DOK5: variants seen among roughly 807,000 people sequenced by gnomAD.
DOK5 encodes the protein downstream of tyrosine kinase 5.
Under a neutral mutation model 43.3 loss-of-function variants are expected in DOK5, and 27 were observed. The observed-to-expected ratio is 0.62, with a 90% CI of 0.46 to 0.86. DOK5 has a LOEUF of 0.86. Ranked by LOEUF, DOK5 falls within the 40% of genes least tolerant of loss-of-function variation. DOK5 has a pLI of 0.00. For synonymous variants in DOK5, 146 were observed against 140.1 expected (o/e 1.04, Z -0.30); for missense variants, 373 against 392.9 (o/e 0.95, Z 0.43).
intron 1 of DOK5, among the ~76,000 whole-genome samples, chr20:54,477,394 G>A (rs1805654660): frequency 2.0e-5 from 3 of 152,186 alleles, no homozygotes; most frequent in Non-Finnish European, 2.9e-5. Flanking sequence ...TAGCGATTAT[G>A]TCCTGTGTTA....
chr20:54,650,483 T>G lies in DOK5; in HGVS notation c.*4T>G, dbSNP rs1600770347. 7 of 1,613,788 alleles carry G rather than the reference T, an allele frequency of 4.3e-6. No individual in the cohort carries two copies. Among genetic ancestry groups the G allele is most frequent in the Non-Finnish European group, 4.2e-6 (5 of 1,179,864 alleles). The stretch of plus-strand genomic sequence containing the variant: ...AGCCTACAGATCTGAGCACTGACAG[T>G]AACTGCCAAGAATTGTTAACACACT... On this transcript the variant is annotated 3_prime_UTR_variant, in exon 8 of 8. Coordinates refer to ENST00000262593, the MANE Select transcript of DOK5 (RefSeq NM_018431.5).
chr20:54,551,349 C>A (rs776729048), intron 1 of DOK5, among the ~76,000 whole-genome samples: 3 of 152,170 alleles, frequency 2.0e-5, no homozygotes, highest in Admixed American at 6.5e-5. Context: ...CAGTCTCTCA[C>A]TTGTCTTTTC....
chr20:54,482,849 A>G (rs768993356), intron 1 of DOK5, among the ~76,000 whole-genome samples: 4 of 152,242 alleles, frequency 2.6e-5, no homozygotes, highest in Non-Finnish European at 5.9e-5. Flanking sequence ...ACATATATGC[A>G]CATATGAACT....
chr20:54,499,072 TG>T (rs1365536439), intron 1 of DOK5, among the ~76,000 whole-genome samples: 1 of 152,210 alleles, frequency 6.6e-6, no homozygotes, highest in Non-Finnish European at 1.5e-5. Flanking sequence ...ATCAGAGCAC[TG>T]TCAAAGCTTG....
intron 1 of DOK5, among the ~76,000 whole-genome samples, chr20:54,545,136 G>A (rs987611758): frequency 6.6e-6 from 1 of 152,146 alleles, no homozygotes; most frequent in Non-Finnish European, 1.5e-5. Flanking sequence ...GGCAAGATGA[G>A]GGCTGATTAG....
At chr20:54,499,881 AC>A (rs1423731980) in intron 1 of DOK5, among the ~76,000 whole-genome samples, 1 of 152,224 alleles carries the variant, frequency 6.6e-6, no homozygotes, top group Middle Eastern at 3.2e-3. Flanking sequence ...AAGATTGCTC[AC>A]CTCGGAACAG....
At chr20:54,530,485 T>C (rs944475380) in intron 1 of DOK5, among the ~76,000 whole-genome samples, 1 of 152,168 alleles carries the variant, frequency 6.6e-6, no homozygotes, top group African/African-American at 2.4e-5. Context: ...ATCTCTTCTC[T>C]CTGAGGGCTG....
At chr20:54,577,362 A>G (rs774238336) in intron 2 of DOK5, among the ~76,000 whole-genome samples, 24 of 152,144 alleles carry the variant, frequency 1.6e-4, no homozygotes, top group Non-Finnish European at 1.5e-5. Context: ...AGTGGAATTC[A>G]TTTCTTTATT....
At chr20:54,575,834 G>A (rs755738359) in intron 2 of DOK5, among the ~76,000 whole-genome samples, 2 of 152,208 alleles carry the variant, frequency 1.3e-5, no homozygotes, top group Non-Finnish European at 2.9e-5. Flanking sequence ...ACATGCACAT[G>A]CATGTGAACA....
intron 2 of DOK5, among the ~76,000 whole-genome samples, chr20:54,562,472 G>A (rs1231736940): frequency 6.6e-6 from 1 of 152,148 alleles, no homozygotes; most frequent in Non-Finnish European, 1.5e-5. Context: ...AGGCTAGAGT[G>A]CAGTGGTGCT....
chr20:54,566,494 C>A (rs1488503030), intron 2 of DOK5, among the ~76,000 whole-genome samples: 1 of 152,190 alleles, frequency 6.6e-6, no homozygotes, highest in Non-Finnish European at 1.5e-5. Flanking sequence ...TTGTAAAAAG[C>A]TGTCCAACTG....
chr20:54,520,284 A>G (rs1983350189), intron 1 of DOK5, among the ~76,000 whole-genome samples: 3 of 152,152 alleles, frequency 2.0e-5, no homozygotes, highest in Admixed American at 2.0e-4. Flanking sequence ...CCCCTTATCA[A>G]ATTCCATTAG....
chr20:54,650,022 CCTT>C (rs1979624683), intron 7 of DOK5, among the ~76,000 whole-genome samples: 1 of 152,158 alleles, frequency 6.6e-6, no homozygotes, highest in African/African-American at 2.4e-5. Flanking sequence ...AGGAAGTTCT[CCTT>C]AACATTTACA....
intron 1 of DOK5, among the ~76,000 whole-genome samples, chr20:54,546,905 G>A (rs1984367117): frequency 6.6e-6 from 1 of 152,120 alleles, no homozygotes. Flanking sequence ...GGTTGAAAAA[G>A]CCTCAAGTCA....
intron 2 of DOK5, among the ~76,000 whole-genome samples, chr20:54,577,786 G>T (rs557046081): frequency 5.5e-4 from 84 of 152,314 alleles, no homozygotes; most frequent in Non-Finnish European, 1.1e-3. Flanking sequence ...ATCCAGGAAG[G>T]AGGGCAATGT....
chr20:54,589,672 G>A (rs1985922237), intron 4 of DOK5, among the ~76,000 whole-genome samples: 1 of 152,098 alleles, frequency 6.6e-6, no homozygotes, highest in Non-Finnish European at 1.5e-5. Flanking sequence ...GGGTCATCTG[G>A]TTTGATTACG....
At chr20:54,628,388 G>A (rs1310843099) in intron 6 of DOK5, among the ~76,000 whole-genome samples, 2 of 114,172 alleles carry the variant, frequency 1.8e-5, no homozygotes, top group African/African-American at 3.5e-5. Context: ...CAGCCTGGGC[G>A]ACAGAGCGAG....
intron 1 of DOK5, among the ~76,000 whole-genome samples, chr20:54,544,095 T>A (rs1037342171): frequency 6.6e-6 from 1 of 152,240 alleles, no homozygotes; most frequent in Non-Finnish European, 1.5e-5. Context: ...TAAGGATTTT[T>A]AATCTTCTTT....
At chr20:54,558,200 T>G (rs16999773) in intron 2 of DOK5, among the ~76,000 whole-genome samples, 5,914 of 152,220 alleles carry the variant, frequency 0.039, 389 homozygotes, top group African/African-American at 0.13. Flanking sequence ...GATTTGGATG[T>G]TTTAGGAGGA....
Sources: gnomAD v4.1 joint callset for allele counts (sites outside exome capture counted in the v4.1 genomes callset) on GRCh38, gnomAD v4.1.1 for gene constraint, MANE v1.5 for transcripts, NCBI Gene and HGNC (gene_info 2026-07-23, HGNC 2026-07-21) for gene names.